SEPTIN7: variants seen among roughly 807,000 people sequenced by gnomAD.
SEPTIN7 encodes septin 7.
In SEPTIN7, 10 loss-of-function variants were observed where a neutral mutation model predicts 63.3. The observed-to-expected ratio is 0.16, with a 90% CI of 0.10 to 0.27. SEPTIN7 has a LOEUF of 0.27. Among genes scored for constraint, SEPTIN7 ranks in the 10% least tolerant of loss-of-function variants. SEPTIN7 has a pLI of 1.00. For synonymous variants in SEPTIN7, 131 were observed against 165.3 expected (o/e 0.79, Z 1.59); for missense variants, 310 against 521.0 (o/e 0.59, Z 3.94).
intron 1 of SEPTIN7, among the ~76,000 whole-genome samples, chr7:35,816,889 TTGC>T (rs950693137): frequency 6.6e-6 from 1 of 152,154 alleles, no homozygotes. Context: ...TTAAAATGCT[TTGC>T]TGAGTTTTTA....
In SEPTIN7 at chr7:35,890,855, C is replaced by G. The variant is rs535356279; in HGVS notation, c.998+62C>G. 2.3e-6 allele frequency: 3 copies of G among 1,292,590 alleles called. No homozygotes were observed. The South Asian group carries it at 7.0e-5, about 30-fold the overall frequency. The allele number at this position is 1,292,590 out of a possible 1,614,324, so 80.1% of individuals were successfully genotyped here. A position where few individuals can be genotyped will look rare whatever the true frequency, so the allele number is the denominator to read the frequency against. On this transcript the variant is annotated intron_variant, in intron 11 of 13. Coordinates refer to ENST00000350320, the MANE Select transcript of SEPTIN7 (RefSeq NM_001788.6). Reference sequence around the variant, plus strand: ...TCTGTAGTCAATAATCATATTGTTTCATTTTCATTAAATTTCTTCTGGCTA... The same window carrying G: ...TCTGTAGTCAATAATCATATTGTTTGATTTTCATTAAATTTCTTCTGGCTA...
rs890743167 is a variant in SEPTIN7 at position 35,904,434 on chromosome 7, T to C, written c.*141T>C. 4 of 599,250 alleles carry C rather than the reference T, an allele frequency of 6.7e-6. No homozygotes were observed. Among genetic ancestry groups the C allele is most frequent in the Non-Finnish European group, 1.1e-5 (4 of 372,482 alleles). The allele number at this position is 599,250 out of a possible 1,614,324, so 37.1% of individuals were successfully genotyped here. ...ACAGCATGACAAAAATTATTTTTTT[T>C]TTTGTTCTTGATGGAGATTAAGATG... On this transcript the variant is annotated 3_prime_UTR_variant, in exon 14 of 14. Coordinates refer to ENST00000350320, the MANE Select transcript of SEPTIN7 (RefSeq NM_001788.6).
intron 1 of SEPTIN7, among the ~76,000 whole-genome samples, chr7:35,823,054 G>T (rs1783308819): frequency 6.6e-6 from 1 of 151,596 alleles, no homozygotes; most frequent in Admixed American, 6.6e-5. Context: ...CCTTTTAATA[G>T]CCCTATGGAG....
chr7:35,850,423 G>T (rs933764980), intron 3 of SEPTIN7, among the ~76,000 whole-genome samples: 1 of 152,150 alleles, frequency 6.6e-6, no homozygotes, highest in African/African-American at 2.4e-5. Context: ...TCCACAGTGT[G>T]ATCACCAGCT....
At chr7:35,897,400 A>C (rs1488374957) in intron 11 of SEPTIN7, among the ~76,000 whole-genome samples, 1 of 152,196 alleles carries the variant, frequency 6.6e-6, no homozygotes, top group Non-Finnish European at 1.5e-5. Context: ...GTGTAAGTAT[A>C]TTAGCCTTAA....
downstream of SEPTIN7, among the ~76,000 whole-genome samples, chr7:35,908,309 G>A (rs1422409310): frequency 1.3e-5 from 2 of 152,172 alleles, no homozygotes; most frequent in African/African-American, 2.4e-5. Context: ...ACAATTTCCT[G>A]TGTTCTTTAG....
intron 6 of SEPTIN7, among the ~76,000 whole-genome samples, chr7:35,875,659 C>A (rs1346686357): frequency 6.6e-6 from 1 of 152,086 alleles, no homozygotes; most frequent in Non-Finnish European, 1.5e-5. Flanking sequence ...AAATAAAAAA[C>A]TGACTTGGAA....
intron 3 of SEPTIN7, among the ~76,000 whole-genome samples, chr7:35,852,209 A>G (rs994609363): frequency 1.3e-5 from 2 of 152,302 alleles, no homozygotes; most frequent in African/African-American, 4.8e-5. Flanking sequence ...TGTTGTAGGT[A>G]CTGCTTTTAT....
intron 1 of SEPTIN7, among the ~76,000 whole-genome samples, chr7:35,818,345 C>G (rs1435574827): frequency 6.6e-6 from 1 of 151,752 alleles, no homozygotes; most frequent in African/African-American, 2.4e-5. Flanking sequence ...GGTGTATAAC[C>G]CCTTTTTATT....
At chr7:35,826,910 TTCTTA>T (rs1429710082) in intron 1 of SEPTIN7, among the ~76,000 whole-genome samples, 1 of 152,160 alleles carries the variant, frequency 6.6e-6, no homozygotes, top group African/African-American at 2.4e-5. Context: ...ACGTAAAGAA[TTCTTA>T]AAGAATTTCA....
chr7:35,865,087 C>G (rs1448750554), intron 4 of SEPTIN7, among the ~76,000 whole-genome samples: 2 of 150,624 alleles, frequency 1.3e-5, no homozygotes, highest in African/African-American at 4.9e-5. Flanking sequence ...AAATTATGCT[C>G]TAAAAACTTG....
intron 3 of SEPTIN7, among the ~76,000 whole-genome samples, chr7:35,859,422 T>C (rs1023814680): frequency 1.3e-5 from 2 of 152,254 alleles, no homozygotes; most frequent in African/African-American, 4.8e-5. Context: ...TAGTCATTCC[T>C]GAAAAATGTT....
chr7:35,851,785 T>C (rs1784972529), intron 3 of SEPTIN7, among the ~76,000 whole-genome samples: 2 of 152,202 alleles, frequency 1.3e-5, no homozygotes, highest in South Asian at 4.1e-4. Flanking sequence ...CTATATTTTG[T>C]CTTGTAATTA....
the SEPTIN7 span, among the ~76,000 whole-genome samples, chr7:35,912,542 C>T: frequency 6.6e-6 from 1 of 152,240 alleles, no homozygotes; most frequent in African/African-American, 2.4e-5. Flanking sequence ...TGATTTCCCA[C>T]TTTACACCTC....
intron 10 of SEPTIN7, among the ~76,000 whole-genome samples, chr7:35,887,995 G>C (rs1787372521): frequency 6.6e-6 from 1 of 152,144 alleles, no homozygotes. Flanking sequence ...CAAGTTCAAA[G>C]AAGTTCTCTT....
At chr7:35,807,765 T>C (rs1027981310) in intron 1 of SEPTIN7, among the ~76,000 whole-genome samples, 1 of 152,094 alleles carries the variant, frequency 6.6e-6, no homozygotes, top group Non-Finnish European at 1.5e-5. Flanking sequence ...CCCAAAGTGA[T>C]GGGATTACAG....
At chr7:35,867,134 A>G (rs1436686601) in intron 4 of SEPTIN7, among the ~76,000 whole-genome samples, 1 of 152,150 alleles carries the variant, frequency 6.6e-6, no homozygotes, top group Non-Finnish European at 1.5e-5. Context: ...AAATGGTACC[A>G]TGTTACCTCC....
intron 1 of SEPTIN7, among the ~76,000 whole-genome samples, chr7:35,825,511 C>G (rs866663709): frequency 6.6e-6 from 1 of 152,130 alleles, no homozygotes; most frequent in Admixed American, 6.5e-5. Flanking sequence ...AGGATCTGAT[C>G]CCAGGATAGG....
intron 1 of SEPTIN7, among the ~76,000 whole-genome samples, chr7:35,812,933 G>GATTTCT (rs1267595502): frequency 6.6e-6 from 1 of 152,132 alleles, no homozygotes; most frequent in African/African-American, 2.4e-5. Flanking sequence ...CTGGGGCACA[G>GATTTCT]ATTTCTATTT....
Sources: gnomAD v4.1 joint callset for allele counts (sites outside exome capture counted in the v4.1 genomes callset) on GRCh38, gnomAD v4.1.1 for gene constraint, MANE v1.5 for transcripts, NCBI Gene and HGNC (gene_info 2026-07-23, HGNC 2026-07-21) for gene names.